The following MMP27 variants were observed in gnomAD, a reference collection of about 807,000 sequenced individuals.
The protein encoded by MMP27 is matrix metalloproteinase-27.
MMP27 carries 51 observed loss-of-function variants against 48.1 expected under a neutral mutation model. The ratio of observed to expected loss-of-function variants is 1.06; its 90% CI spans 0.85 to 1.34. The LOEUF (loss-of-function observed/expected upper bound fraction) is 1.34, where lower values mean the gene tolerates loss of function less well. Ranked by LOEUF, MMP27 falls within the 40% of genes most tolerant of loss-of-function variation. The pLI, the probability that MMP27 is intolerant of heterozygous loss-of-function variation, is 0.00. For synonymous variants in MMP27, 229 were observed against 208.9 expected (o/e 1.10, Z -0.83); for missense variants, 698 against 619.3 (o/e 1.13, Z -1.35).
chr11:102,694,910 C>T (rs1860794875), intron 7 of MMP27, 57 bp downstream of exon 7: 1 of 1,597,894 alleles, frequency 6.3e-7, no homozygotes, highest in South Asian at 1.1e-5. Context: ...ACCAAAATAT[C>T]CACTGGTTAG....
chr11:102,695,980 A>G (rs922553702), intron 6 of MMP27, among the ~76,000 whole-genome samples: 1 of 152,130 alleles, frequency 6.6e-6, no homozygotes, highest in South Asian at 2.1e-4. Context: ...AAATACTCCA[A>G]CCATGGCCAA....
At chr11:102,700,799 A>G (rs1204768902) in intron 4 of MMP27, among the ~76,000 whole-genome samples, 1 of 152,268 alleles carries the variant, frequency 6.6e-6, no homozygotes, top group Non-Finnish European at 1.5e-5. Context: ...AGAGACTCTC[A>G]GGAAAATCTC....
intron 4 of MMP27, among the ~76,000 whole-genome samples, chr11:102,701,613 C>G (rs1049948765): frequency 1.3e-5 from 2 of 152,166 alleles, no homozygotes; most frequent in Non-Finnish European, 2.9e-5. Flanking sequence ...TCCTCTCTTG[C>G]TTGGGTGACA....
At chr11:102,703,148 C>A (rs1158088848) in intron 2 of MMP27, 30 bp from the exon 3 acceptor site, 2 of 1,599,820 alleles carry the variant, frequency 1.3e-6, no homozygotes, top group East Asian at 2.2e-5. Flanking sequence ...ATGTCAATTT[C>A]TGGCTTATTC....
At chr11:102,694,617 G>A (rs1450177360) in intron 7 of MMP27, among the ~76,000 whole-genome samples, 1 of 152,062 alleles carries the variant, frequency 6.6e-6, no homozygotes, top group Non-Finnish European at 1.5e-5. Flanking sequence ...AAAATTATTT[G>A]TTGTTTATCT....
chr11:102,704,437 C>A lies in MMP27; in HGVS notation c.341+100G>T, dbSNP rs541166630. ...TGGAGCCTAAGATGTGCTGTGCACACAGGAAGTGCTCAGTCAATTGAATGA... is the reference window on the plus strand; with the variant it reads ...TGGAGCCTAAGATGTGCTGTGCACAAAGGAAGTGCTCAGTCAATTGAATGA... On this transcript the variant is annotated intron_variant, in intron 2 of 9. Coordinates refer to ENST00000260229, the MANE Select transcript of MMP27 (RefSeq NM_022122.3). 9 of 919,532 alleles carry A rather than the reference C, an allele frequency of 9.8e-6. No individual in the cohort carries two copies. The African/African-American group carries it at 1.1e-4, about 12-fold the overall frequency. 57.0% of individuals were successfully genotyped at this position (919,532 alleles called of 1,614,324 possible). A position where few individuals can be genotyped will look rare whatever the true frequency, so the allele number is the denominator to read the frequency against.
intron 6 of MMP27, 143 bp downstream of exon 6, chr11:102,696,228 A>G: frequency 1.4e-6 from 1 of 718,268 alleles, no homozygotes; most frequent in Non-Finnish European, 2.2e-6. Flanking sequence ...CATATGGTAA[A>G]GCATTCAAAC....
chr11:102,705,477 C>T (rs1034059589), intron 1 of MMP27, 136 bp downstream of exon 1: 3 of 567,248 alleles, frequency 5.3e-6, no homozygotes, highest in Admixed American at 7.7e-5. Context: ...CAGAGATAGA[C>T]AAATGAAAAG....
chr11:102,696,643 C>T, intron 5 of MMP27, 31 bp downstream of exon 5: 1 of 1,583,128 alleles, frequency 6.3e-7, no homozygotes, highest in Non-Finnish European at 8.6e-7. Context: ...CTATTTAGTT[C>T]ACATATATTG....
At chr11:102,695,685 A>T (rs1222415777) in intron 6 of MMP27, among the ~76,000 whole-genome samples, 1 of 152,188 alleles carries the variant, frequency 6.6e-6, no homozygotes, top group East Asian at 1.9e-4. Context: ...CATGGGTGAA[A>T]GGAGTCCAAT....
At chr11:102,692,815 AT>A in intron 9 of MMP27, 122 bp downstream of exon 9, 1 of 688,920 alleles carries the variant, frequency 1.5e-6, no homozygotes. Context: ...AATGTTTATT[AT>A]TGTATATACT....
chr11:102,693,322 C>G (rs1019504096), intron 8 of MMP27, among the ~76,000 whole-genome samples: 5 of 152,064 alleles, frequency 3.3e-5, no homozygotes, highest in African/African-American at 1.2e-4. Flanking sequence ...GAGCTTGGAG[C>G]TTTCAAAATT....
intron 2 of MMP27, among the ~76,000 whole-genome samples, chr11:102,703,423 G>T (rs1335668937): frequency 6.6e-6 from 1 of 152,128 alleles, no homozygotes; most frequent in East Asian, 1.9e-4. Context: ...GTACGTGTTG[G>T]CTTGTATATG....
intron 1 of MMP27, 113 bp downstream of exon 1, chr11:102,705,500 A>T: frequency 1.6e-6 from 1 of 633,418 alleles, no homozygotes; most frequent in Non-Finnish European, 2.6e-6. Context: ...GTTCCTTCTC[A>T]CAAAAAAGTT....
intron 1 of MMP27, 149 bp downstream of exon 1, chr11:102,705,464 C>G: frequency 3.7e-6 from 2 of 540,214 alleles, no homozygotes; most frequent in Non-Finnish European, 6.4e-6. Flanking sequence ...TTCCTGATAT[C>G]GTCAGAGATA....
chr11:102,697,709 T>A (rs917213770), intron 4 of MMP27, among the ~76,000 whole-genome samples: 11 of 152,122 alleles, frequency 7.2e-5, no homozygotes, highest in Non-Finnish European at 1.5e-5. Flanking sequence ...TCTCACTATG[T>A]TGCCCAGGCT....
intron 4 of MMP27, among the ~76,000 whole-genome samples, chr11:102,697,428 C>T (rs935540595): frequency 1.3e-5 from 2 of 152,168 alleles, no homozygotes; most frequent in African/African-American, 4.8e-5. Flanking sequence ...TGTATAAACA[C>T]TAGACACTTA....
rs752734679 is a variant in MMP27, at chr11:102,696,649, T to C, written c.781+25A>G. ...AAAAGCTTCCTATTTAGTTCACATA[T>C]ATTGAGATTTATAATTTTGCTCACC... On this transcript the variant is annotated intron_variant, in intron 5 of 9. Coordinates refer to ENST00000260229, the MANE Select transcript of MMP27 (RefSeq NM_022122.3). 6 of 1,591,878 alleles carry C rather than the reference T, an allele frequency of 3.8e-6. No homozygotes were observed. The East Asian group carries it at 8.9e-5, about 24-fold the overall frequency.
intron 8 of MMP27, among the ~76,000 whole-genome samples, chr11:102,693,456 T>C (rs1047903965): frequency 4.6e-5 from 7 of 152,150 alleles, no homozygotes; most frequent in African/African-American, 1.7e-4. Flanking sequence ...TTCGGCTTGA[T>C]AAATGTCATC....
Sources: gnomAD v4.1 joint callset for allele counts (sites outside exome capture counted in the v4.1 genomes callset) on GRCh38, gnomAD v4.1.1 for gene constraint, MANE v1.5 for transcripts, NCBI Gene and HGNC (gene_info 2026-07-23, HGNC 2026-07-21) for gene names.